MEIS2: variants seen among roughly 807,000 people sequenced by gnomAD.
MEIS2 encodes the protein homeobox protein Meis2.
MEIS2 carries 9 observed loss-of-function variants against 58.6 expected under a neutral mutation model. The ratio of observed to expected loss-of-function variants is 0.15; its 90% CI spans 0.09 to 0.27. MEIS2 has a LOEUF of 0.27. MEIS2 is among the 10% of genes least tolerant of loss of function. The pLI is 1.00. For missense variants in MEIS2, 427 were observed against 635.0 expected (o/e 0.67, Z 3.52); for synonymous variants, 221 against 228.4 (o/e 0.97, Z 0.29).
At chr15:37,019,712 G>A (rs2141668732) in intron 8 of MEIS2, among the ~76,000 whole-genome samples, 1 of 152,168 alleles carries the variant, frequency 6.6e-6, no homozygotes, top group Admixed American at 6.5e-5. Flanking sequence ...TGAAACGCAG[G>A]GCCCAACAGC....
Position 37,099,526 on chromosome 15 carries a change from A to C in MEIS2, c.-60T>G. On this transcript the variant is annotated 5_prime_UTR_variant, in exon 1 of 12. Transcript: ENST00000561208. ...TATATTTAATATCCCAGTCCGGATA[A>C]GAAAGTGATCTAGGCTGAAGATTCC... is the stretch of plus-strand genomic sequence containing the variant. 1 of 1,611,254 alleles carries C rather than the reference A, an allele frequency of 6.2e-7. No homozygotes were observed. The highest frequency in any genetic ancestry group is 8.5e-7 in the Non-Finnish European group (1 of 1,178,758).
At chr15:36,915,397 T>C (rs1023726039) in intron 9 of MEIS2, among the ~76,000 whole-genome samples, 2 of 152,234 alleles carry the variant, frequency 1.3e-5, no homozygotes, top group Non-Finnish European at 2.9e-5. Context: ...ATTAACAGGA[T>C]TCTTTTCATT....
chr15:36,916,083 T>C (rs2057263391), intron 9 of MEIS2, among the ~76,000 whole-genome samples: 1 of 152,128 alleles, frequency 6.6e-6, no homozygotes. Context: ...ATAATTTTAT[T>C]ACATTAAAGA....
chr15:37,037,484 C>T (rs1481741619), intron 7 of MEIS2, among the ~76,000 whole-genome samples: 3 of 151,902 alleles, frequency 2.0e-5, no homozygotes, highest in East Asian at 1.9e-4. Flanking sequence ...ACCCTGCACT[C>T]GGCATTTGCA....
chr15:37,036,663 G>GA (rs950326501), intron 8 of MEIS2, 151 bp downstream of exon 8: 33,627 of 691,874 alleles, frequency 0.049, no homozygotes, highest in South Asian at 0.059. Flanking sequence ...AATAGTTGAT[G>GA]AAAAAAAAAA....
chr15:37,028,889 C>A (rs532090207), intron 8 of MEIS2, among the ~76,000 whole-genome samples: 1 of 151,668 alleles, frequency 6.6e-6, no homozygotes, highest in Non-Finnish European at 1.5e-5. Flanking sequence ...CTTCTGCCCA[C>A]CCCTATCTCC....
chr15:36,980,261 T>C (rs1271588480), intron 8 of MEIS2, among the ~76,000 whole-genome samples: 1 of 152,204 alleles, frequency 6.6e-6, no homozygotes, highest in Non-Finnish European at 1.5e-5. Context: ...TTAATAGTTA[T>C]ATATATCTGT....
At chr15:37,097,713 G>A (rs1292670094) in intron 2 of MEIS2, among the ~76,000 whole-genome samples, 1 of 152,168 alleles carries the variant, frequency 6.6e-6, no homozygotes, top group African/African-American at 2.4e-5. Flanking sequence ...AAGATTCTGG[G>A]GACTCAGTCA....
chr15:36,984,405 C>T (rs1302123160), intron 8 of MEIS2, among the ~76,000 whole-genome samples: 1 of 152,022 alleles, frequency 6.6e-6, no homozygotes, highest in African/African-American at 2.4e-5. Flanking sequence ...TATTGATTTA[C>T]ATGTGTTGAA....
Position 37,083,752 on chromosome 15 carries a change from A to G in MEIS2, c.754+19T>C. The G allele has an allele frequency of 1.2e-6, 2 of 1,603,126 alleles. No homozygotes were observed. Among genetic ancestry groups the G allele is most frequent in the Non-Finnish European group, 1.7e-6 (2 of 1,172,534 alleles). The stretch of plus-strand genomic sequence containing the variant: ...TTAGTCATGCCTACTTTGCACGAGG[A>G]AAATGTTTGACCTTTTACCTTGCTC... On this transcript the variant is annotated intron_variant, in intron 7 of 11. Transcript: ENST00000561208.
At chr15:36,995,094 C>T (rs80168329) in intron 8 of MEIS2, among the ~76,000 whole-genome samples, 2,610 of 152,302 alleles carry the variant, frequency 0.017, 32 homozygotes, top group Non-Finnish European at 0.027. Flanking sequence ...CGAGTTATTA[C>T]ATGCCAGTGG....
At chr15:36,910,612 TC>T (rs1424003384) in intron 9 of MEIS2, among the ~76,000 whole-genome samples, 1 of 152,252 alleles carries the variant, frequency 6.6e-6, no homozygotes, top group Non-Finnish European at 1.5e-5. Flanking sequence ...TCTTTAGATT[TC>T]CCCAAGTCAG....
rs1057233588 is a variant in MEIS2 at position 37,017,821 on chromosome 15, C to T, written c.900+18993G>A. Among the ~76,000 whole-genome samples the T allele has an allele frequency of 1.1e-4, 16 of 152,108 alleles. No individual in the cohort carries two copies. The South Asian group carries it at 2.5e-3, about 24-fold the overall frequency. ...TATCTCACACCCCTCTTTTGTGTTCCGTCAAGCAAAATGGGATTCTATGGT... is the reference window on the plus strand; with the variant it reads ...TATCTCACACCCCTCTTTTGTGTTCTGTCAAGCAAAATGGGATTCTATGGT... On this transcript the variant is annotated intron_variant, in intron 8 of 11. Transcript: ENST00000561208.
At chr15:36,922,375 G>T (rs950777012) in intron 9 of MEIS2, among the ~76,000 whole-genome samples, 34 of 151,332 alleles carry the variant, frequency 2.2e-4, no homozygotes, top group Non-Finnish European at 3.4e-4. Context: ...AGATAGTGTG[G>T]TAAAGAGGTA....
intron 7 of MEIS2, among the ~76,000 whole-genome samples, chr15:37,071,865 T>C (rs1890753802): frequency 6.6e-6 from 1 of 152,072 alleles, no homozygotes; most frequent in Non-Finnish European, 1.5e-5. Flanking sequence ...ATCAAGCGTT[T>C]CCACTTTGAC....
chr15:37,015,121 C>G (rs1266084617), intron 8 of MEIS2, among the ~76,000 whole-genome samples: 1 of 152,218 alleles, frequency 6.6e-6, no homozygotes, highest in Non-Finnish European at 1.5e-5. Flanking sequence ...ATGTCGGAGG[C>G]AGTATCAGCT....
At chr15:37,023,085 T>C (rs2061579915) in intron 8 of MEIS2, among the ~76,000 whole-genome samples, 1 of 152,222 alleles carries the variant, frequency 6.6e-6, no homozygotes, top group Admixed American at 6.5e-5. Flanking sequence ...TGCTGTTTTC[T>C]TGGCATTCAA....
At chr15:36,966,315 T>G (rs542248533) in intron 8 of MEIS2, among the ~76,000 whole-genome samples, 38 of 152,318 alleles carry the variant, frequency 2.5e-4, no homozygotes, top group Admixed American at 7.2e-4. Flanking sequence ...TTTATCATGT[T>G]TTCAATAAAT....
chr15:36,954,955 T>C (rs560082960), intron 8 of MEIS2, among the ~76,000 whole-genome samples: 1 of 152,322 alleles, frequency 6.6e-6, no homozygotes, highest in South Asian at 2.1e-4. Flanking sequence ...TGAAACCCTC[T>C]AAGTAATTTC....
Sources: allele counts gnomAD v4.1 joint callset (sites outside exome capture counted in the v4.1 genomes callset), GRCh38; gene constraint gnomAD v4.1.1; transcripts MANE v1.5; gene names NCBI Gene and HGNC (gene_info 2026-07-23, HGNC 2026-07-21).